LRRIQ1: variants seen among roughly 807,000 people sequenced by gnomAD.
LRRIQ1 encodes the protein leucine-rich repeat- and IQ domain-containing protein 1.
LRRIQ1 carries 210 observed loss-of-function variants against 211.9 expected under a neutral mutation model. That is an observed-to-expected ratio of 0.99 (90% confidence interval 0.89 to 1.11). LRRIQ1 has a LOEUF of 1.11. LRRIQ1 is among the 50% of genes most tolerant of loss of function. The pLI is 0.00. For missense variants in LRRIQ1, 2,136 were observed against 1,939.5 expected, an observed-to-expected ratio of 1.10 and a Z score of -1.90; for synonymous variants, 699 against 650.1, an observed-to-expected ratio of 1.08 and a Z score of -1.14.
In LRRIQ1 at chr12:85,162,336, A is replaced by G. The variant is rs181023364; in HGVS notation, c.4822+1622A>G. 1.2e-4 allele frequency among the ~76,000 whole-genome samples: 19 copies of G among 152,290 alleles called. No individual in the cohort carries two copies. In the East Asian group the frequency reaches 3.5e-3, roughly 28 times the overall value. On this transcript the variant is annotated intron_variant, in intron 24 of 26. Coordinates refer to ENST00000393217, the MANE Select transcript of LRRIQ1 (RefSeq NM_001079910.2). Reference sequence around the variant, plus strand: ...TAATCATTGAGTATATTTCATTGTTATAGTCTTAACTCTACCATTTCAGTC... The same window carrying G: ...TAATCATTGAGTATATTTCATTGTTGTAGTCTTAACTCTACCATTTCAGTC...
At chr12:85,140,182 G>A (rs551202569) in intron 19 of LRRIQ1, among the ~76,000 whole-genome samples, 57 of 151,222 alleles carry the variant, frequency 3.8e-4, no homozygotes, top group African/African-American at 1.2e-3. Context: ...TGAGTAAATC[G>A]AAGCCTGCTT....
intron 26 of LRRIQ1, among the ~76,000 whole-genome samples, chr12:85,239,354 T>TATACACACACAC (rs1895351773): frequency 1.2e-5 from 1 of 86,480 alleles, no homozygotes; most frequent in Non-Finnish European, 2.3e-5. Context: ...GAAACTGTTT[T>TATACACACACAC]ATACACACAC....
chr12:85,268,697 A>AG (rs5799727), downstream of LRRIQ1, among the ~76,000 whole-genome samples: 72,710 of 151,540 alleles, frequency 0.48, 21,460 homozygotes, highest in African/African-American at 0.84. Flanking sequence ...TTCCCTTTAA[A>AG]GGAAATATTG....
At chr12:85,070,699 CTAAT>C (rs930768394) in intron 10 of LRRIQ1, among the ~76,000 whole-genome samples, 2 of 151,978 alleles carry the variant, frequency 1.3e-5, no homozygotes, top group South Asian at 2.1e-4. Context: ...TTTTGATACT[CTAAT>C]TGTTTTGTAT....
intron 19 of LRRIQ1, among the ~76,000 whole-genome samples, chr12:85,145,489 T>G (rs1889829222): frequency 6.6e-6 from 1 of 151,656 alleles, no homozygotes; most frequent in African/African-American, 2.4e-5. Flanking sequence ...CTATGAGGGA[T>G]CTGAGATTTT....
In LRRIQ1 at chr12:85,229,774, G is replaced by A. The variant is rs180763320; in HGVS notation, c.4955+125G>A. On this transcript the variant is annotated intron_variant, in intron 25 of 26. Transcript: ENST00000393217. ...AAAGGCCAATACGCTACGTTGCCGG[G>A]TAATACAAAGGCCTTTCATATAGAA... 1.8e-3 allele frequency: 1,488 copies of A among 843,478 alleles called. 3 individuals are homozygous for A. Among genetic ancestry groups the A allele is most frequent in the Non-Finnish European group, 2.4e-3 (1,315 of 542,570 alleles). The allele number at this position is 843,478 out of a possible 1,614,324, so 52.2% of individuals were successfully genotyped here.
chr12:85,045,841 T>C (rs906573772), intron 4 of LRRIQ1, among the ~76,000 whole-genome samples, 179 bp from the exon 5 acceptor site: 1 of 152,008 alleles, frequency 6.6e-6, no homozygotes, highest in African/African-American at 2.4e-5. Context: ...CATGGGAAAA[T>C]TTTTTATTCA....
At chr12:85,106,828 G>T (rs1288234361) in intron 15 of LRRIQ1, among the ~76,000 whole-genome samples, 1 of 152,070 alleles carries the variant, frequency 6.6e-6, no homozygotes, top group African/African-American at 2.4e-5. Context: ...ATACAAAATT[G>T]AAATTAAAAT....
At chr12:85,098,064 G>A (rs11116707) in intron 11 of LRRIQ1, among the ~76,000 whole-genome samples, 43,192 of 151,872 alleles carry the variant, frequency 0.28, 6,283 homozygotes, top group Admixed American at 0.34. Context: ...CCCTTGTTTT[G>A]TTCTTATTTG....
At chr12:85,039,361 C>T (rs1878582542) in intron 2 of LRRIQ1, among the ~76,000 whole-genome samples, 1 of 151,440 alleles carries the variant, frequency 6.6e-6, no homozygotes, top group Non-Finnish European at 1.5e-5. Context: ...TTTCCCAAGA[C>T]ATAACAACAA....
intron 14 of LRRIQ1, among the ~76,000 whole-genome samples, chr12:85,105,571 A>C (rs559343269): frequency 3.6e-4 from 54 of 151,768 alleles, no homozygotes; most frequent in African/African-American, 1.3e-3. Flanking sequence ...ATTTCTTTGG[A>C]TGTCTAGTAA....
At chr12:85,039,360 A>G (rs1878581943) in intron 2 of LRRIQ1, among the ~76,000 whole-genome samples, 1 of 151,578 alleles carries the variant, frequency 6.6e-6, no homozygotes. Flanking sequence ...ATTTCCCAAG[A>G]CATAACAACA....
At chr12:85,051,706 G>T (rs1032320119) in intron 6 of LRRIQ1, among the ~76,000 whole-genome samples, 1 of 151,974 alleles carries the variant, frequency 6.6e-6, no homozygotes, top group Non-Finnish European at 1.5e-5. Flanking sequence ...TGAAGAAGGG[G>T]GTTGTATTTT....
intron 11 of LRRIQ1, among the ~76,000 whole-genome samples, chr12:85,081,723 C>CTTTTTTTTTTTTTTTTTT (rs766961193): frequency 1.2e-4 from 14 of 113,410 alleles, no homozygotes; most frequent in South Asian, 2.8e-4. Context: ...TCTTCTTCTT[C>CTTTTTTTTTTTTTTTTTT]TTTTTTTTTT....
At chr12:85,073,184 C>A (rs866115625) in intron 11 of LRRIQ1, 86 bp downstream of exon 11, 1 of 844,232 alleles carries the variant, frequency 1.2e-6, no homozygotes, top group Non-Finnish European at 1.8e-6. Flanking sequence ...CAGTCACCAT[C>A]ATCTCCTTTA....
intron 1 of LRRIQ1, among the ~76,000 whole-genome samples, chr12:85,262,088 A>G (rs1236268893): frequency 6.6e-6 from 1 of 152,150 alleles, no homozygotes; most frequent in Admixed American, 6.6e-5. Context: ...GCGCCAGGCC[A>G]TAATTCTTTA....
chr12:85,209,186 C>T (rs936356715), intron 24 of LRRIQ1, among the ~76,000 whole-genome samples: 1 of 152,078 alleles, frequency 6.6e-6, no homozygotes, highest in Non-Finnish European at 1.5e-5. Context: ...TGAAGAAATA[C>T]CTAAGATTGG....
At position 85,108,990 on chromosome 12, in the gene LRRIQ1, G is replaced by T. The variant is rs1162639402; in HGVS notation, c.3377+2375G>T. On this transcript the variant is annotated intron_variant, in intron 15 of 26. Transcript: ENST00000393217. ...CAAAACACAAACTAAAAAAAAAATA[G>T]CTATAACACCTGATCCTAGGGCAGA... Among the ~76,000 whole-genome samples, 4 of 151,984 alleles carry T rather than the reference G, an allele frequency of 2.6e-5. No individual in the cohort carries two copies. In the East Asian group the frequency reaches 5.8e-4, roughly 22 times the overall value.
chr12:85,097,741 A>C (rs1886015703), intron 11 of LRRIQ1, among the ~76,000 whole-genome samples: 1 of 152,146 alleles, frequency 6.6e-6, no homozygotes, highest in Non-Finnish European at 1.5e-5. Context: ...TTCTCATGCT[A>C]ACTCCTGATG....
Sources: allele counts gnomAD v4.1 joint callset (sites outside exome capture counted in the v4.1 genomes callset), GRCh38; gene constraint gnomAD v4.1.1; transcripts MANE v1.5; gene names NCBI Gene and HGNC (gene_info 2026-07-23, HGNC 2026-07-21).